The following TRPM8 variants were observed in gnomAD, a reference collection of about 807,000 sequenced individuals.
The protein encoded by TRPM8 is TRPM8 cationic channel.
In TRPM8, 110 loss-of-function variants were observed where a neutral mutation model predicts 133.7. That is an observed-to-expected ratio of 0.82 (90% CI 0.70 to 0.96). The LOEUF is 0.96. Ranked by LOEUF, TRPM8 falls within the 40% of genes least tolerant of loss-of-function variation. The probability of loss-of-function intolerance (pLI) is 0.00; values close to 1 mark genes in which losing one functional copy is unlikely to be tolerated. For synonymous variants in TRPM8, 535 were observed against 532.3 expected, an observed-to-expected ratio of 1.01 and a Z score of -0.07; for missense variants, 1,291 against 1,379.5, an observed-to-expected ratio of 0.94 and a Z score of 1.02.
chr2:233,933,582 C>A (rs1381084868), intron 3 of TRPM8, among the ~76,000 whole-genome samples: 2 of 152,196 alleles, frequency 1.3e-5, no homozygotes, highest in African/African-American at 2.4e-5. Context: ...CCAGTTCATA[C>A]AAATTGGTGC....
chr2:233,962,986 T>A (rs1029036015), intron 12 of TRPM8, among the ~76,000 whole-genome samples: 1 of 152,320 alleles, frequency 6.6e-6, no homozygotes, highest in African/African-American at 2.4e-5. Flanking sequence ...TGAGAAGGAA[T>A]TGCCTTCTGT....
At chr2:233,951,479 T>A (rs982650224) in intron 9 of TRPM8, among the ~76,000 whole-genome samples, 3 of 152,134 alleles carry the variant, frequency 2.0e-5, no homozygotes, top group Non-Finnish European at 4.4e-5. Flanking sequence ...TTACTCCTTG[T>A]ACAAGTTGGC....
chr2:233,981,761 C>CT lies in TRPM8; in HGVS notation c.2448-9dup. On this transcript the variant is annotated splice_polypyrimidine_tract_variant and intron_variant, in intron 18 of 25. Coordinates refer to ENST00000324695, the MANE Select transcript of TRPM8 (RefSeq NM_024080.5). ...CAATATCTCATGAATTCTGTTCCTT[C>CT]TTTTCCCCCTAGGCTCCACTCTTCT... 1 of 1,588,756 alleles carries CT rather than the reference C, an allele frequency of 6.3e-7. No homozygotes were observed. Among genetic ancestry groups the CT allele is most frequent in the South Asian group, 1.2e-5 (1 of 85,544 alleles).
intron 11 of TRPM8, among the ~76,000 whole-genome samples, chr2:233,956,381 T>C (rs1472865065): frequency 6.6e-6 from 1 of 152,174 alleles, no homozygotes; most frequent in Non-Finnish European, 1.5e-5. Flanking sequence ...TGATTAGTGT[T>C]TTAGGATTGC....
In TRPM8 at chr2:233,947,599, A is replaced by T. The variant is rs1010690240; in HGVS notation, c.942+444A>T. The T allele has an allele frequency of 2.3e-6, 3 of 1,290,384 alleles. No individual in the cohort carries two copies. In the South Asian group the frequency reaches 3.7e-5, roughly 16 times the overall value. 79.9% of individuals were successfully genotyped at this position (1,290,384 alleles called of 1,614,324 possible). ...GGGATGCAGGTATGTTGCATGATGG[A>T]ATTCCAAACCCTAAGTGATTCTGAG... is the stretch of plus-strand genomic sequence containing the variant. On this transcript the variant is annotated intron_variant, in intron 8 of 25. Coordinates refer to ENST00000324695, the MANE Select transcript of TRPM8 (RefSeq NM_024080.5).
Position 233,996,616 on chromosome 2 carries a change from T to C in TRPM8, c.3130+100T>C, listed in dbSNP as rs560644411. 3.8e-5 allele frequency: 42 copies of C among 1,097,012 alleles called. No individual in the cohort carries two copies. In the African/African-American group the frequency reaches 5.4e-4, roughly 14 times the overall value. The allele number at this position is 1,097,012 out of a possible 1,614,324, so 68.0% of individuals were successfully genotyped here. On this transcript the variant is annotated intron_variant, in intron 22 of 25. Transcript: ENST00000324695. ...TCAACAGGAAGGAATTATTCACAGA[T>C]CTTTCACTGTTCACATCTGTACATC...
intron 21 of TRPM8, among the ~76,000 whole-genome samples, chr2:233,992,819 T>G (rs1321545721): frequency 6.6e-6 from 1 of 152,214 alleles, no homozygotes; most frequent in Non-Finnish European, 1.5e-5. Flanking sequence ...AGAGATGGTC[T>G]CTAAGCTGCT....
chr2:233,948,487 T>G (rs1574712930), intron 8 of TRPM8, among the ~76,000 whole-genome samples: 1 of 152,178 alleles, frequency 6.6e-6, no homozygotes, highest in Non-Finnish European at 1.5e-5. Flanking sequence ...GGCTCAAATC[T>G]GCAAAAGCAG....
At chr2:233,945,467 A>G (rs1691017778) in intron 6 of TRPM8, among the ~76,000 whole-genome samples, 1 of 152,144 alleles carries the variant, frequency 6.6e-6, no homozygotes, top group African/African-American at 2.4e-5. Flanking sequence ...GTCTGCTTCT[A>G]CCTGTATCCA....
intron 4 of TRPM8, 36 bp from the exon 5 acceptor site, chr2:233,938,962 A>C: frequency 1.2e-6 from 2 of 1,601,234 alleles, no homozygotes; most frequent in Non-Finnish European, 1.7e-6. Flanking sequence ...AGGAGAACAC[A>C]GGCCTATCCT....
intron 17 of TRPM8, among the ~76,000 whole-genome samples, chr2:233,972,853 C>T (rs2125237798): frequency 6.6e-6 from 1 of 152,340 alleles, no homozygotes; most frequent in African/African-American, 2.4e-5. Context: ...GCCACTCCTT[C>T]CACACTTCCC....
chr2:233,953,866 T>C (rs1297759689), intron 9 of TRPM8, 51 bp from the exon 10 acceptor site: 1 of 1,409,010 alleles, frequency 7.1e-7, no homozygotes, highest in South Asian at 1.2e-5. Flanking sequence ...AAGTTTATGC[T>C]CCTCATGCCT....
At chr2:234,002,133 G>A (rs539970619) in intron 22 of TRPM8, among the ~76,000 whole-genome samples, 6 of 152,066 alleles carry the variant, frequency 3.9e-5, no homozygotes, top group South Asian at 4.2e-4. Context: ...ATTTATGGAG[G>A]AAGGGAATAT....
At position 233,984,767 on chromosome 2, in the gene TRPM8, C is replaced by T. The variant is rs566549780; in HGVS notation, c.2762-921C>T. Among the ~76,000 whole-genome samples the T allele has an allele frequency of 7.0e-4, 106 of 152,208 alleles. 1 individual carries two copies. The highest frequency in any genetic ancestry group is 2.3e-3 in the African/African-American group (95 of 41,532). On this transcript the variant is annotated intron_variant, in intron 20 of 25. Coordinates refer to ENST00000324695, the MANE Select transcript of TRPM8 (RefSeq NM_024080.5). ...TCCTCTGCTTAAAACAGCCTTGTGG[C>T]TTCCCATCACTTCAGTGTAAAGATT...
At chr2:234,011,187 C>G (rs1164579763) in intron 24 of TRPM8, among the ~76,000 whole-genome samples, 1 of 152,192 alleles carries the variant, frequency 6.6e-6, no homozygotes, top group Non-Finnish European at 1.5e-5. Context: ...TATTCTTTTA[C>G]ATGTGGATAT....
intron 11 of TRPM8, among the ~76,000 whole-genome samples, chr2:233,959,333 T>G (rs1174541255): frequency 7.1e-6 from 1 of 139,952 alleles, no homozygotes; most frequent in East Asian, 2.2e-4. Context: ...GCCTTTTTTT[T>G]TTTTTTTTTT....
At chr2:233,960,741 G>A (rs1326476844) in intron 11 of TRPM8, 35 bp from the exon 12 acceptor site, 3 of 1,570,266 alleles carry the variant, frequency 1.9e-6, no homozygotes, top group Non-Finnish European at 2.6e-6. Flanking sequence ...TATTTTTATA[G>A]TATTGTTAGT....
chr2:234,011,673 C>G (rs1255640095), intron 24 of TRPM8, among the ~76,000 whole-genome samples: 1 of 152,050 alleles, frequency 6.6e-6, no homozygotes, highest in African/African-American at 2.4e-5. Flanking sequence ...AATCCCAGCA[C>G]TTTGGGAGGC....
chr2:233,997,093 C>A (rs191515461), intron 22 of TRPM8, among the ~76,000 whole-genome samples: 2 of 152,042 alleles, frequency 1.3e-5, no homozygotes, highest in Admixed American at 1.3e-4. Flanking sequence ...GGTGAAACCC[C>A]ATCTCTACTA....
Sources: gnomAD v4.1 joint callset for allele counts (sites outside exome capture counted in the v4.1 genomes callset) on GRCh38, gnomAD v4.1.1 for gene constraint, MANE v1.5 for transcripts, NCBI Gene and HGNC (gene_info 2026-07-23, HGNC 2026-07-21) for gene names.